Variants in OSBPL8 observed in about 807,000 individuals in gnomAD.
The protein encoded by OSBPL8 is oxysterol binding protein like 8.
In OSBPL8, 59 loss-of-function variants were observed where a neutral mutation model predicts 125.5. The ratio of observed to expected loss-of-function variants is 0.47; its 90% CI spans 0.38 to 0.58. The LOEUF is 0.58. Ranked by LOEUF, OSBPL8 falls within the 20% of genes least tolerant of loss-of-function variation. The pLI, the probability that OSBPL8 is intolerant of heterozygous loss-of-function variation, is 0.00. For missense variants in OSBPL8, 758 were observed against 1,047.8 expected, an observed-to-expected ratio of 0.72 and a Z score of 3.82; for synonymous variants, 330 against 338.9, an observed-to-expected ratio of 0.97 and a Z score of 0.29.
At chr12:76,356,551 T>C in intron 23 of OSBPL8, 75 bp downstream of exon 23, 1 of 905,314 alleles carries the variant, frequency 1.1e-6, no homozygotes, top group Non-Finnish European at 1.7e-6. Flanking sequence ...GAAGTCTGCA[T>C]ATGATTTCCC....
chr12:76,449,143 A>G (rs1008675081), intron 4 of OSBPL8, among the ~76,000 whole-genome samples: 2 of 152,260 alleles, frequency 1.3e-5, no homozygotes, highest in Admixed American at 1.3e-4. Context: ...CTGACTAATT[A>G]CAAAGTATGA....
At position 76,355,256 on chromosome 12, in the gene OSBPL8, TAAA is replaced by T. The variant is rs1404855250; in HGVS notation, c.*630_*632del. 1 of 152,400 alleles carries T rather than the reference TAAA, an allele frequency of 6.6e-6. No homozygotes were observed. Among genetic ancestry groups the T allele is most frequent in the African/African-American group, 2.4e-5 (1 of 41,414 alleles). The allele number at this position is 152,400 out of a possible 1,614,324, so 9.4% of individuals were successfully genotyped here. On this transcript the variant is annotated 3_prime_UTR_variant, in exon 24 of 24. Coordinates refer to ENST00000261183, the MANE Select transcript of OSBPL8 (RefSeq NM_020841.5). Reference sequence around the variant, plus strand: ...TCTACAAATATTAAATTCTAGGGGTTAAAAAAAACTTATGTAAACTTTTAAAAA... The same window carrying T: ...TCTACAAATATTAAATTCTAGGGGTTAAAAACTTATGTAAACTTTTAAAAA...
intron 4 of OSBPL8, among the ~76,000 whole-genome samples, chr12:76,446,566 T>C (rs1358734080): frequency 6.6e-6 from 1 of 152,118 alleles, no homozygotes; most frequent in East Asian, 1.9e-4. Context: ...ATATGGGCCA[T>C]CCATACTAAA....
rs1951844027 is a variant in OSBPL8, at chr12:76,352,131, T to C, written c.*3758A>G. The C allele has an allele frequency of 1.3e-5, 2 of 152,690 alleles. No individual in the cohort carries two copies. The highest frequency in any genetic ancestry group is 3.9e-4 in the East Asian group (2 of 5,180). 9.5% of individuals were successfully genotyped at this position (152,690 alleles called of 1,614,324 possible). A position where few individuals can be genotyped will look rare whatever the true frequency, so the allele number is the denominator to read the frequency against. On this transcript the variant is annotated 3_prime_UTR_variant, in exon 24 of 24. Transcript: ENST00000261183. ...GATGTATATTTAGCATGCTAAAAAG[T>C]GAAAAAAATTTCAACTGAAGTTCTG... is the stretch of plus-strand genomic sequence containing the variant.
At chr12:76,529,320 G>A (rs972774217) in intron 1 of OSBPL8, among the ~76,000 whole-genome samples, 1 of 151,894 alleles carries the variant, frequency 6.6e-6, no homozygotes, top group Admixed American at 6.6e-5. Context: ...TTCCCTTCTT[G>A]GGCACTTGTT....
chr12:76,528,841 G>A (rs966944345), intron 1 of OSBPL8, among the ~76,000 whole-genome samples: 4 of 151,972 alleles, frequency 2.6e-5, no homozygotes, highest in African/African-American at 9.7e-5. Context: ...ACAACAGAGG[G>A]AGACCCTGTC....
At chr12:76,524,396 T>C (rs1950107116) in intron 1 of OSBPL8, among the ~76,000 whole-genome samples, 1 of 152,182 alleles carries the variant, frequency 6.6e-6, no homozygotes, top group Admixed American at 6.5e-5. Flanking sequence ...CAACTAAAAA[T>C]TTAACTTGGA....
At chr12:76,443,492 T>C (rs924275005) in intron 4 of OSBPL8, among the ~76,000 whole-genome samples, 1 of 152,110 alleles carries the variant, frequency 6.6e-6, no homozygotes, top group African/African-American at 2.4e-5. Flanking sequence ...GCGAGCCTAA[T>C]TAATCTACAT....
intron 1 of OSBPL8, among the ~76,000 whole-genome samples, chr12:76,493,810 T>C (rs1259052047): frequency 6.6e-6 from 1 of 152,192 alleles, no homozygotes; most frequent in Non-Finnish European, 1.5e-5. Flanking sequence ...TGTCTCTCTC[T>C]ATTCTCCTTG....
chr12:76,392,526 TTGTGAACAGTATGGTC>T (rs1784958452), intron 10 of OSBPL8, 39 bp downstream of exon 10: 7 of 1,492,720 alleles, frequency 4.7e-6, no homozygotes, highest in Non-Finnish European at 6.4e-6. Flanking sequence ...CCAACTAATT[TTGTGAACAGTATGGTC>T]TCTGAAACAT....
At chr12:76,407,742 T>C (rs1954332065) in intron 5 of OSBPL8, among the ~76,000 whole-genome samples, 1 of 152,206 alleles carries the variant, frequency 6.6e-6, no homozygotes, top group Non-Finnish European at 1.5e-5. Flanking sequence ...GCTTTATTCA[T>C]AAGAAAATAA....
intron 1 of OSBPL8, among the ~76,000 whole-genome samples, chr12:76,502,294 C>G (rs1197736018): frequency 6.6e-6 from 1 of 152,150 alleles, no homozygotes; most frequent in Non-Finnish European, 1.5e-5. Flanking sequence ...TTTTTGCATC[C>G]TGTCCCCATA....
At position 76,397,893 on chromosome 12, in the gene OSBPL8, C is replaced by T; in HGVS notation, c.473G>A (p.Arg158His). 1 of 1,612,510 alleles carries T rather than the reference C, an allele frequency of 6.2e-7. No individual in the cohort carries two copies. Among genetic ancestry groups the T allele is most frequent in the Non-Finnish European group, 8.5e-7 (1 of 1,179,288 alleles). ...CTTGGTCCAGCTCTTTAGAGTACCACGAATCTACAGAAAGATAAATTTATT... is the reference window on the plus strand; with the variant it reads ...CTTGGTCCAGCTCTTTAGAGTACCATGAATCTACAGAAAGATAAATTTATT... Reference protein sequence around the residue: ...VIVMADWLKIRGTLKSWTKLW... With the variant: ...VIVMADWLKIHGTLKSWTKLW... Residue 158 changes from arginine to histidine, a missense_variant, in exon 8 of 24, where the codon CGT becomes CAT. Arg to His is a conservative substitution (Grantham distance 29). Transcript: ENST00000261183.
intron 1 of OSBPL8, among the ~76,000 whole-genome samples, chr12:76,553,248 T>G (rs914574665): frequency 6.6e-6 from 1 of 152,158 alleles, no homozygotes; most frequent in Non-Finnish European, 1.5e-5. Context: ...TAAAAAATTA[T>G]GTAATCTGAC....
At chr12:76,428,454 G>A (rs983611428) in intron 4 of OSBPL8, among the ~76,000 whole-genome samples, 1 of 151,888 alleles carries the variant, frequency 6.6e-6, no homozygotes, top group African/African-American at 2.4e-5. Flanking sequence ...ATTAGTATTT[G>A]GAAAAACCCC....
intron 4 of OSBPL8, among the ~76,000 whole-genome samples, chr12:76,428,934 T>C (rs558133240): frequency 2.6e-5 from 4 of 152,212 alleles, no homozygotes; most frequent in East Asian, 1.9e-4. Context: ...TGCTTTAAAA[T>C]AGAAAACACA....
chr12:76,446,902 C>CA (rs1257224710), intron 4 of OSBPL8, among the ~76,000 whole-genome samples: 4 of 152,072 alleles, frequency 2.6e-5, no homozygotes, highest in Non-Finnish European at 4.4e-5. Flanking sequence ...AATTTGTCAC[C>CA]ACTGGAAGTA....
chr12:76,359,384 TA>T (rs1342374047), intron 21 of OSBPL8, among the ~76,000 whole-genome samples: 1 of 152,194 alleles, frequency 6.6e-6, no homozygotes, highest in Non-Finnish European at 1.5e-5. Flanking sequence ...TATTTAAACT[TA>T]CTGAAAGGAT....
At chr12:76,360,359 G>C (rs916184208) in intron 21 of OSBPL8, among the ~76,000 whole-genome samples, 1 of 152,218 alleles carries the variant, frequency 6.6e-6, no homozygotes, top group Non-Finnish European at 1.5e-5. Context: ...TCATGCTGAT[G>C]CAAGAGGTAG....
Sources: allele counts gnomAD v4.1 joint callset (sites outside exome capture counted in the v4.1 genomes callset), GRCh38; gene constraint gnomAD v4.1.1; transcripts MANE v1.5; gene names NCBI Gene and HGNC (gene_info 2026-07-23, HGNC 2026-07-21).